CCDC158: variants seen among roughly 807,000 people sequenced by gnomAD.
CCDC158 encodes coiled-coil domain containing 158.
Under a neutral mutation model 138.6 loss-of-function variants are expected in CCDC158, and 116 were observed. That is an observed-to-expected ratio of 0.84 (90% confidence interval 0.72 to 0.98). The LOEUF is 0.98. Ranked by LOEUF, CCDC158 falls within the 50% of genes least tolerant of loss-of-function variation. The pLI is 0.00. For missense variants in CCDC158, 1,265 were observed against 1,306.1 expected (o/e 0.97, Z 0.48); for synonymous variants, 436 against 442.4 (o/e 0.99, Z 0.18).
chr4:76,420,848 A>T (rs1730063107), intron 1 of CCDC158, among the ~76,000 whole-genome samples, 117 bp downstream of exon 1: 1 of 152,212 alleles, frequency 6.6e-6, no homozygotes, highest in African/African-American at 2.4e-5. Context: ...TTCCATGTGC[A>T]GAACAAACAC....
At position 76,401,297 on chromosome 4, in the gene CCDC158, G is replaced by A. The variant is rs559676395; in HGVS notation, c.70+1841C>T. On this transcript the variant is annotated intron_variant, in intron 3 of 24. Transcript: ENST00000682701. ...CCATCAGACTTTCTATAAAAAGTGT[G>A]GCAAGCACCAACTCCACAAAGTGAC... The A allele has an allele frequency of 3.3e-4, 160 of 487,682 alleles. 3 individuals carry two copies. Among genetic ancestry groups the A allele is most frequent in the South Asian group, 2.4e-3 (153 of 65,024 alleles). The allele number at this position is 487,682 out of a possible 1,614,324, so 30.2% of individuals were successfully genotyped here.
Position 76,323,215 on chromosome 4 carries a change from G to T in CCDC158, c.3277+87C>A. 4.6e-6 allele frequency: 4 copies of T among 871,708 alleles called. No homozygotes were observed. The South Asian group carries it at 5.3e-5, about 12-fold the overall frequency. The allele number at this position is 871,708 out of a possible 1,614,324, so 54.0% of individuals were successfully genotyped here. A position where few individuals can be genotyped will look rare whatever the true frequency, so the allele number is the denominator to read the frequency against. On this transcript the variant is annotated intron_variant, in intron 24 of 24. Transcript: ENST00000682701. ...CAGTTGTTAATTCAATACCCTTTCA[G>T]CAGGTCTATAGACAGGAGGCTTAAT...
At chr4:76,342,504 G>T (rs2110138230) in intron 18 of CCDC158, among the ~76,000 whole-genome samples, 1 of 152,302 alleles carries the variant, frequency 6.6e-6, no homozygotes, top group Non-Finnish European at 1.5e-5. Flanking sequence ...CCTGGCAAAG[G>T]AGTTTTCAGT....
chr4:76,351,415 T>A (rs1284123883), intron 17 of CCDC158, among the ~76,000 whole-genome samples: 1 of 152,188 alleles, frequency 6.6e-6, no homozygotes, highest in African/African-American at 2.4e-5. Flanking sequence ...CATGGAAAAC[T>A]CTTGCTTTGG....
intron 3 of CCDC158, among the ~76,000 whole-genome samples, 161 bp downstream of exon 3, chr4:76,402,977 C>T (rs1728530427): frequency 6.6e-6 from 1 of 152,206 alleles, no homozygotes; most frequent in Admixed American, 6.5e-5. Context: ...ACAAAGGAAT[C>T]TCTTCTTCAA....
chr4:76,384,666 C>T lies in CCDC158; in HGVS notation c.289-1G>A. The T allele has an allele frequency of 6.3e-7, 1 of 1,597,402 alleles. No individual in the cohort carries two copies. The highest frequency in any genetic ancestry group is 8.5e-7 in the Non-Finnish European group (1 of 1,171,178). On this transcript the variant is annotated splice_acceptor_variant, in intron 4 of 24. Transcript: ENST00000682701. LOFTEE classifies it high-confidence loss of function. ...TTTGTTTCTCATGCAATTCATTGCT[C>T]TGAAAAAAAAAGCCATGCAAATTAA... is the stretch of plus-strand genomic sequence containing the variant.
chr4:76,383,555 A>C (rs1406837231), intron 7 of CCDC158, 107 bp downstream of exon 7: 1 of 760,182 alleles, frequency 1.3e-6, no homozygotes, highest in Non-Finnish European at 2.3e-6. Flanking sequence ...ACCTATAAAA[A>C]AACTTATGTG....
chr4:76,384,409 C>T lies in CCDC158; in HGVS notation c.405G>A (p.Arg135=). The T allele has an allele frequency of 1.2e-6, 2 of 1,606,678 alleles. No individual in the cohort carries two copies. The highest frequency in any genetic ancestry group is 1.3e-5 in the African/African-American group (1 of 74,658). The part of the protein sequence containing the change: ...ERDAMADIRR[R]ESQSQEDLRN... ...TTAAATCCTCCTGGGACTGACTCTC[C>T]CTTCGTCTATGAAATAAATGAAAGA... The change falls in exon 6 of 25, where the codon AGG becomes AGA. Residue 135 remains arginine (R), a synonymous_variant. Coordinates refer to ENST00000682701, the MANE Select transcript of CCDC158 (RefSeq NM_001394954.1).
At chr4:76,375,489 A>G (rs1725631738) in intron 9 of CCDC158, 1 of 680,360 alleles carries the variant, frequency 1.5e-6, no homozygotes, top group Admixed American at 2.1e-5. Flanking sequence ...CTTCCTGCAC[A>G]GTATATAGCT....
Position 76,369,441 on chromosome 4 carries a change from G to T in CCDC158, c.1332C>A (p.Gly444=). ...LLKALKSECQ[G]QMERQMAAIQ... ...AGGCACTGACCTGCCGCTCCATCTG[G>T]CCCTGACACTCGCTCTTCAAGGCCT... The change falls in exon 11 of 25, where the codon GGC becomes GGA. Residue 444 remains glycine (G), a synonymous_variant. Transcript: ENST00000682701. 6.2e-7 allele frequency: 1 copy of T among 1,614,078 alleles called. No homozygotes were observed. The highest frequency in any genetic ancestry group is 8.5e-7 in the Non-Finnish European group (1 of 1,180,018).
rs370280738 is a variant in CCDC158 at position 76,324,532 on chromosome 4, T to C, written c.3170-1123A>G. On this transcript the variant is annotated intron_variant, in intron 23 of 24. Transcript: ENST00000682701. The stretch of plus-strand genomic sequence containing the variant: ...ATATAAAATATAGGTTTGATGAGTA[T>C]CTGACAATAAGCGGGGGGTTGGGGG... Among the ~76,000 whole-genome samples, 3 of 152,214 alleles carry C rather than the reference T, an allele frequency of 2.0e-5. No individual in the cohort carries two copies. The East Asian group carries it at 5.8e-4, about 29-fold the overall frequency.
At chr4:76,329,441 G>T (rs918854898) in intron 21 of CCDC158, among the ~76,000 whole-genome samples, 2 of 152,012 alleles carry the variant, frequency 1.3e-5, no homozygotes, top group African/African-American at 4.8e-5. Flanking sequence ...AAAATTAGCC[G>T]GGCGAGGTGG....
chr4:76,406,064 T>TA (rs1015187284), intron 2 of CCDC158, among the ~76,000 whole-genome samples: 8 of 151,694 alleles, frequency 5.3e-5, no homozygotes, highest in African/African-American at 1.9e-4. Context: ...AAATTGACTT[T>TA]AAAAAAAACA....
Position 76,357,464 on chromosome 4 carries a change from T to C in CCDC158, c.2083A>G (p.Asn695Asp), listed in dbSNP as rs760203213. 1.2e-6 allele frequency: 2 copies of C among 1,605,406 alleles called. No homozygotes were observed. The highest frequency in any genetic ancestry group is 1.7e-6 in the Non-Finnish European group (2 of 1,175,062). Reference protein sequence around the residue: ...NKSEEMEMTTNKLKMQLKSAQ... With the variant: ...NKSEEMEMTTDKLKMQLKSAQ... ...GATTTTAATTGCATTTTCAACTTAT[T>C]TGTAGTCATTTCCATTTCTTCACTT... Residue 695 changes from asparagine to aspartate, a missense_variant, in exon 14 of 25, where the codon AAT becomes GAT. Physicochemically the swap from Asn to Asp is conservative, Grantham distance 23. Transcript: ENST00000682701.
At chr4:76,383,772 T>C (rs747647652) in intron 6 of CCDC158, 34 bp from the exon 7 acceptor site, 9 of 1,453,414 alleles carry the variant, frequency 6.2e-6, no homozygotes, top group Non-Finnish European at 7.7e-6. Context: ...ATTTAGTTAC[T>C]GGTAAATATA....
intron 1 of CCDC158, chr4:76,414,367 G>T (rs1257625723): frequency 6.6e-6 from 1 of 152,014 alleles, no homozygotes; most frequent in Non-Finnish European, 1.5e-5. Context: ...ACCATATTCT[G>T]TTAAGTTTAA....
chr4:76,369,344 TAA>T, intron 11 of CCDC158, 80 bp downstream of exon 11: 1 of 1,360,642 alleles, frequency 7.3e-7, no homozygotes. Context: ...ATGTTAAAAA[TAA>T]AAAGCTCTAT....
rs545138484 is a variant in CCDC158 at position 76,376,087 on chromosome 4, C to G, written c.1029+3203G>C. Among the ~76,000 whole-genome samples the G allele has an allele frequency of 7.9e-5, 12 of 151,968 alleles. No individual in the cohort carries two copies. In the South Asian group the frequency reaches 2.3e-3, roughly 29 times the overall value. ...TTTTTTTTTCTGAGACAGGGTCACC[C>G]TCTATTGCCCAGGCTAAAGTGAGTG... On this transcript the variant is annotated intron_variant, in intron 9 of 24. Transcript: ENST00000682701.
chr4:76,404,193 A>ACCACCCTTCTTCCATCCTTC (rs1728633939), intron 2 of CCDC158, among the ~76,000 whole-genome samples: 1 of 152,146 alleles, frequency 6.6e-6, no homozygotes, highest in African/African-American at 2.4e-5. Flanking sequence ...AGCTAGATAT[A>ACCACCCTTCTTCCATCCTTC]CCACCCTTCT....
Sources: allele counts gnomAD v4.1 joint callset (sites outside exome capture counted in the v4.1 genomes callset), GRCh38; gene constraint gnomAD v4.1.1; transcripts MANE v1.5; gene names NCBI Gene and HGNC (gene_info 2026-07-23, HGNC 2026-07-21).